RTKN2: variants seen among roughly 807,000 people sequenced by gnomAD.
RTKN2 encodes the protein rhotekin 2.
RTKN2 carries 69 observed loss-of-function variants against 71.5 expected under a neutral mutation model. The ratio of observed to expected loss-of-function variants is 0.96; its 90% CI spans 0.79 to 1.18. The LOEUF (loss-of-function observed/expected upper bound fraction) is 1.18. Among genes scored for constraint, RTKN2 ranks in the 50% most tolerant of loss-of-function variants. The probability of loss-of-function intolerance (pLI) is 0.00; values close to 1 mark genes in which losing one functional copy is unlikely to be tolerated. For missense variants in RTKN2, 724 were observed against 719.7 expected (o/e 1.01, Z -0.07); for synonymous variants, 236 against 236.5 (o/e 1.00, Z 0.02).
Position 62,204,956 on chromosome 10 carries a change from G to T in RTKN2, c.1087C>A (p.Pro363Thr). ...TGAGTTATAGCTTGTCCAGGAACAG[G>T]ATTGATGACAGAGAAATTATGGATT... The part of the protein sequence containing the change: ...KRIHNFSVIN[P>T]VPGQAITQIF... Residue 363 changes from proline (P) to threonine (T), a missense_variant, in exon 10 of 12, where the codon CCT (proline) becomes ACT (threonine). By Grantham distance (38) the Pro-to-Thr change is conservative (BLOSUM62 -1). Transcript: ENST00000373789. The T allele has an allele frequency of 6.2e-7, 1 of 1,602,040 alleles. No individual in the cohort carries two copies. The highest frequency in any genetic ancestry group is 8.5e-7 in the Non-Finnish European group (1 of 1,175,838).
At chr10:62,218,803 T>C (rs1841836657) in intron 7 of RTKN2, among the ~76,000 whole-genome samples, 1 of 137,266 alleles carries the variant, frequency 7.3e-6, no homozygotes, top group South Asian at 2.3e-4. Flanking sequence ...CTGGCCAATA[T>C]GGTGAAACCC....
rs1437823571 is a variant in RTKN2 at position 62,239,748 on chromosome 10, T to C, written c.388A>G (p.Ile130Val). ...GCTCCCATTTTGAATAAACAAAAAA[T>C]GGCATAGCGTCGTGATCCTGGAGGA... is the stretch of plus-strand genomic sequence containing the variant. ...SNKERSRRYA[I>V]FCLFKMGANV... The change falls in exon 5 of 12, where the codon ATT becomes GTT. Residue 130 changes from isoleucine (I) to valine (V), a missense_variant. By Grantham distance (29) the Ile-to-Val change is conservative (BLOSUM62 3). Transcript: ENST00000373789. 1.9e-6 allele frequency: 3 copies of C among 1,586,320 alleles called. No homozygotes were observed. The highest frequency in any genetic ancestry group is 2.6e-6 in the Non-Finnish European group (3 of 1,161,726).
chr10:62,196,827 C>T lies in RTKN2; in HGVS notation c.*1081G>A, dbSNP rs915998096. 2.0e-6 allele frequency: 2 copies of T among 976,822 alleles called. No individual in the cohort carries two copies. The highest frequency in any genetic ancestry group is 1.1e-4 in the East Asian group (1 of 8,776). 60.5% of individuals were successfully genotyped at this position (976,822 alleles called of 1,614,324 possible). ...TATTATAAAAAATGGATTTTTTGTT[C>T]CTTTAAGGTATTTTTCTGCTATTTA... On this transcript the variant is annotated 3_prime_UTR_variant, in exon 12 of 12. Transcript: ENST00000373789.
chr10:62,216,591 T>C (rs78167652), intron 9 of RTKN2, among the ~76,000 whole-genome samples: 3,237 of 152,190 alleles, frequency 0.021, 114 homozygotes, highest in African/African-American at 0.072. Flanking sequence ...TATATATACT[T>C]GACAAATTTT....
intron 9 of RTKN2, among the ~76,000 whole-genome samples, chr10:62,215,348 A>G (rs1342283562): frequency 6.6e-6 from 1 of 152,046 alleles, no homozygotes. Flanking sequence ...ATGTCAATGT[A>G]ATGAAAGGCA....
intron 6 of RTKN2, among the ~76,000 whole-genome samples, chr10:62,224,797 T>G (rs551135947): frequency 4.1e-4 from 62 of 151,082 alleles, no homozygotes; most frequent in Middle Eastern, 3.4e-3. Flanking sequence ...CCAAGCAGAG[T>G]GAGTATCTGC....
chr10:62,218,075 A>G (rs1841815573), intron 8 of RTKN2, 120 bp downstream of exon 8: 1 of 643,310 alleles, frequency 1.6e-6, no homozygotes, highest in Non-Finnish European at 2.7e-6. Context: ...CATTTAGAAA[A>G]CTGACATTTA....
Position 62,200,182 on chromosome 10 carries a change from G to A in RTKN2, c.1187-321C>T, listed in dbSNP as rs1013614346. On this transcript the variant is annotated intron_variant, in intron 10 of 11. Transcript: ENST00000373789. ...AGTCTTGACCAGCCTGGCCAACATG[G>A]GGAAACCCCTTCTCTACTAAAAATA... Among the ~76,000 whole-genome samples the A allele has an allele frequency of 1.2e-4, 18 of 151,916 alleles. No homozygotes were observed. The South Asian group carries it at 3.7e-3, about 32-fold the overall frequency.
chr10:62,214,620 G>T (rs1841729278), intron 9 of RTKN2, among the ~76,000 whole-genome samples: 1 of 152,076 alleles, frequency 6.6e-6, no homozygotes, highest in Non-Finnish European at 1.5e-5. Flanking sequence ...TGAAAATACA[G>T]ACACACTGAC....
chr10:62,217,976 G>GCT (rs1481975088), intron 8 of RTKN2, among the ~76,000 whole-genome samples: 3 of 152,016 alleles, frequency 2.0e-5, no homozygotes, highest in African/African-American at 7.3e-5. Flanking sequence ...GCATGGAGAG[G>GCT]TAGCGCCTTA....
intron 6 of RTKN2, among the ~76,000 whole-genome samples, chr10:62,227,528 T>G (rs1247151333): frequency 2.6e-5 from 4 of 151,992 alleles, no homozygotes; most frequent in Non-Finnish European, 5.9e-5. Context: ...GCAGAGTGAT[T>G]TGAGATGTCC....
At chr10:62,184,460 G>T in intron 8 of RTKN2, 1 of 758,634 alleles carries the variant, frequency 1.3e-6, no homozygotes, top group Non-Finnish European at 2.1e-6. Flanking sequence ...CCACCAATCA[G>T]AATCACAAAA....
In RTKN2 at chr10:62,195,911, G is replaced by C; in HGVS notation, c.*1997C>G. ...TCTACTCTGAGGGCACAACTGCTAGGTAATTTCTGTATGAATACTTTCTTT... is the reference window on the plus strand; with the variant it reads ...TCTACTCTGAGGGCACAACTGCTAGCTAATTTCTGTATGAATACTTTCTTT... On this transcript the variant is annotated 3_prime_UTR_variant, in exon 12 of 12. Coordinates refer to ENST00000373789, the MANE Select transcript of RTKN2 (RefSeq NM_145307.4). 1 of 985,082 alleles carries C rather than the reference G, an allele frequency of 1.0e-6. No individual in the cohort carries two copies. The highest frequency in any genetic ancestry group is 1.2e-6 in the Non-Finnish European group (1 of 829,712). 61.0% of individuals were successfully genotyped at this position (985,082 alleles called of 1,614,324 possible).
At chr10:62,262,318 T>C (rs1186106345) in intron 2 of RTKN2, among the ~76,000 whole-genome samples, 6 of 152,214 alleles carry the variant, frequency 3.9e-5, no homozygotes, top group Non-Finnish European at 8.8e-5. Context: ...TCTAAGCAAT[T>C]AATTTTCTTA....
rs189349034 is a variant in RTKN2, at chr10:62,201,765, C to T, written c.1187-1904G>A. The stretch of plus-strand genomic sequence containing the variant: ...TGGAATATAATGCCACATTATTTCA[C>T]GTGTTACTAAAGTCAGAGGTATAAA... On this transcript the variant is annotated intron_variant, in intron 10 of 11. Coordinates refer to ENST00000373789, the MANE Select transcript of RTKN2 (RefSeq NM_145307.4). 2.4e-3 allele frequency among the ~76,000 whole-genome samples: 361 copies of T among 152,200 alleles called. 5 individuals carry two copies. The highest frequency in any genetic ancestry group is 1.1e-3 in the Non-Finnish European group (72 of 67,984).
intron 6 of RTKN2, 40 bp downstream of exon 6, chr10:62,236,025 TG>T (rs773425197): frequency 6.8e-5 from 89 of 1,314,832 alleles, no homozygotes; most frequent in Non-Finnish European, 8.8e-5. Context: ...ATATCACAAA[TG>T]TATAATTATG....
rs1435607726 is a variant in RTKN2, at chr10:62,195,661, A to AGGAT, written c.*2246_*2247insATCC. On this transcript the variant is annotated 3_prime_UTR_variant, in exon 12 of 12. Transcript: ENST00000373789. ...AAGGAAGGAAGGAAGGAAGGAAGGA[A>AGGAT]GGAAGGAAGGAAACCAACTCTGTAT... 1 of 914,906 alleles carries AGGAT rather than the reference A, an allele frequency of 1.1e-6. No individual in the cohort carries two copies. The highest frequency in any genetic ancestry group is 1.3e-6 in the Non-Finnish European group (1 of 773,054). 56.7% of individuals were successfully genotyped at this position (914,906 alleles called of 1,614,324 possible).
rs1841272727 is a variant in RTKN2 at position 62,193,942 on chromosome 10, C to G, written c.*3966G>C. 1.0e-6 allele frequency: 1 copy of G among 984,100 alleles called. No individual in the cohort carries two copies. Among genetic ancestry groups the G allele is most frequent in the African/African-American group, 1.7e-5 (1 of 57,336 alleles). The allele number at this position is 984,100 out of a possible 1,614,324, so 61.0% of individuals were successfully genotyped here. A position where few individuals can be genotyped will look rare whatever the true frequency, so the allele number is the denominator to read the frequency against. On this transcript the variant is annotated 3_prime_UTR_variant, in exon 12 of 12. Transcript: ENST00000373789. ...GATTAAACTGATTCCACCACACTGT[C>G]TACTTCAATCAGTCTAGTCTAGAGG...
downstream of RTKN2, among the ~76,000 whole-genome samples, chr10:62,189,782 T>C (rs904663918): frequency 9.9e-5 from 15 of 151,520 alleles, no homozygotes; most frequent in African/African-American, 3.1e-4. Flanking sequence ...TGAGCCAAGA[T>C]CACGCCACTG....
Sources: gnomAD v4.1 joint callset for allele counts (sites outside exome capture counted in the v4.1 genomes callset) on GRCh38, gnomAD v4.1.1 for gene constraint, MANE v1.5 for transcripts, NCBI Gene and HGNC (gene_info 2026-07-23, HGNC 2026-07-21) for gene names.